KALRN: variants seen among roughly 807,000 people sequenced by gnomAD.
KALRN encodes kalirin RhoGEF kinase.
A neutral mutation model predicts 353.7 loss-of-function variants in KALRN; 70 were observed. The ratio of observed to expected loss-of-function variants is 0.20; its 90% CI spans 0.16 to 0.24. The LOEUF is 0.24. Ranked by LOEUF, KALRN falls within the 10% of genes least tolerant of loss-of-function variation. The probability of loss-of-function intolerance (pLI) is 1.00; values close to 1 mark genes in which losing one functional copy is unlikely to be tolerated. For synonymous variants in KALRN, 1,391 were observed against 1,434.8 expected, an observed-to-expected ratio of 0.97 and a Z score of 0.69; for missense variants, 2,791 against 3,756.7, an observed-to-expected ratio of 0.74 and a Z score of 6.72.
At chr3:124,154,490 A>G (rs929564822) in intron 1 of KALRN, among the ~76,000 whole-genome samples, 56 of 152,362 alleles carry the variant, frequency 3.7e-4, no homozygotes, top group African/African-American at 1.3e-3. Flanking sequence ...GAGCCAAATC[A>G]TGAGTGAACT....
chr3:124,158,416 C>T (rs1475538671), intron 1 of KALRN, among the ~76,000 whole-genome samples: 1 of 152,208 alleles, frequency 6.6e-6, no homozygotes, highest in African/African-American at 2.4e-5. Context: ...CAGATGCCAG[C>T]ACCAGTCCTA....
Position 124,477,258 on chromosome 3 carries a change from A to C in KALRN, c.4115A>C (p.Gln1372Pro). Reference protein sequence around the residue: ...HCFVTWADKFQMYVTYCKNKP... With the variant: ...HCFVTWADKFPMYVTYCKNKP... ...TGTTCTTTTTAGGCAGACAAATTTC[A>C]GATGTATGTCACCTACTGTAAAAAC... The change falls in exon 27 of 60, where the codon CAG (glutamine) becomes CCG (proline). Residue 1372 changes from glutamine to proline, a missense_variant. Transcript: ENST00000682506. 1 of 1,612,174 alleles carries C rather than the reference A, an allele frequency of 6.2e-7. No individual in the cohort carries two copies. Among genetic ancestry groups the C allele is most frequent in the Non-Finnish European group, 8.5e-7 (1 of 1,178,248 alleles).
At chr3:124,646,599 C>A (rs1007752979) in intron 37 of KALRN, among the ~76,000 whole-genome samples, 1 of 151,556 alleles carries the variant, frequency 6.6e-6, no homozygotes, top group Admixed American at 6.6e-5. Flanking sequence ...CCATGTTGGC[C>A]AAGCTGGTTT....
chr3:124,339,796 A>G (rs78011427), intron 9 of KALRN, among the ~76,000 whole-genome samples: 10,983 of 152,218 alleles, frequency 0.072, 1,282 homozygotes, highest in African/African-American at 0.25. Context: ...TTAAGAGAGG[A>G]TAATTCTTTA....
At chr3:124,103,080 C>T (rs1269732348) in intron 1 of KALRN, among the ~76,000 whole-genome samples, 1 of 152,182 alleles carries the variant, frequency 6.6e-6, no homozygotes, top group Admixed American at 6.5e-5. Context: ...TGCTGCCATA[C>T]AGATGGGAAG....
At chr3:124,083,415 T>A (rs1292633410) in intron 1 of KALRN, among the ~76,000 whole-genome samples, 1 of 151,942 alleles carries the variant, frequency 6.6e-6, no homozygotes, top group Non-Finnish European at 1.5e-5. Flanking sequence ...GATAGCTAGA[T>A]GAAGGCAGGA....
chr3:124,114,587 C>T (rs1043417787), intron 1 of KALRN, among the ~76,000 whole-genome samples: 20 of 152,156 alleles, frequency 1.3e-4, no homozygotes, highest in African/African-American at 3.4e-4. Context: ...ACTCTGGATC[C>T]GACACTGGTG....
intron 11 of KALRN, among the ~76,000 whole-genome samples, chr3:124,385,788 T>A (rs551878745): frequency 6.6e-6 from 1 of 152,298 alleles, no homozygotes; most frequent in African/African-American, 2.4e-5. Context: ...CATTTCTGAT[T>A]AACATGGGAC....
At chr3:124,075,441 T>C (rs1577813397) in intron 1 of KALRN, among the ~76,000 whole-genome samples, 1 of 152,358 alleles carries the variant, frequency 6.6e-6, no homozygotes, top group East Asian at 1.9e-4. Flanking sequence ...TATCATCAAC[T>C]GGTTCCACTG....
At chr3:124,595,315 G>A (rs1038505516) in intron 34 of KALRN, among the ~76,000 whole-genome samples, 1 of 152,026 alleles carries the variant, frequency 6.6e-6, no homozygotes, top group Non-Finnish European at 1.5e-5. Flanking sequence ...AGCTCAGACA[G>A]GGATTGTTAA....
chr3:124,114,733 A>G (rs1458491798), intron 1 of KALRN, among the ~76,000 whole-genome samples: 2 of 152,210 alleles, frequency 1.3e-5, no homozygotes, highest in Non-Finnish European at 2.9e-5. Context: ...GGGCTCCTGG[A>G]CATAGTGAGA....
intron 34 of KALRN, among the ~76,000 whole-genome samples, chr3:124,566,249 C>T (rs973469987): frequency 6.6e-6 from 1 of 152,140 alleles, no homozygotes; most frequent in Non-Finnish European, 1.5e-5. Flanking sequence ...TCCTGTAATC[C>T]CAGCACTTTG....
intron 1 of KALRN, 140 bp from the exon 2 acceptor site, chr3:124,227,850 G>A: frequency 1.4e-6 from 1 of 732,546 alleles, no homozygotes. Context: ...CCCTCTCCTG[G>A]TCCATCGGGC....
chr3:124,538,716 A>C (rs2068746330), intron 33 of KALRN, among the ~76,000 whole-genome samples: 1 of 152,180 alleles, frequency 6.6e-6, no homozygotes, highest in South Asian at 2.1e-4. Flanking sequence ...GGGCCCCAAA[A>C]GGCCACAGAG....
Position 124,553,882 on chromosome 3 carries a change from T to C in KALRN, c.4936-8961T>C, listed in dbSNP as rs999476260. Among the ~76,000 whole-genome samples the C allele has an allele frequency of 5.3e-5, 8 of 152,258 alleles. No individual in the cohort carries two copies. The East Asian group carries it at 1.5e-3, about 29-fold the overall frequency. ...TTAATCCTCCCAGCCGCATCTCTAT[T>C]GACAACTTGTGTGGGTTCCCCAGGG... On this transcript the variant is annotated intron_variant, in intron 33 of 59. Transcript: ENST00000682506.
intron 13 of KALRN, among the ~76,000 whole-genome samples, chr3:124,411,336 T>C (rs2092129658): frequency 6.6e-6 from 1 of 151,518 alleles, no homozygotes; most frequent in Non-Finnish European, 1.5e-5. Flanking sequence ...AATATGTGTA[T>C]TTTGTATGTA....
chr3:124,597,178 G>A lies in KALRN; in HGVS notation c.5182+34089G>A, dbSNP rs1978892. On this transcript the variant is annotated intron_variant, in intron 34 of 59. Coordinates refer to ENST00000682506, the MANE Select transcript of KALRN (RefSeq NM_001388419.1). ...ATTCCTTAATCAAACAGGAAATTAG[G>A]CTGAGCACTTTTTGTGTTGATTCCC... is the stretch of plus-strand genomic sequence containing the variant. Among the ~76,000 whole-genome samples the A allele has an allele frequency of 5.2e-3, 786 of 152,234 alleles. 2 individuals carry two copies. The highest frequency in any genetic ancestry group is 8.6e-3 in the Admixed American group (132 of 15,290).
chr3:124,044,070 G>C (rs1045197075), intron 1 of KALRN, among the ~76,000 whole-genome samples: 1 of 152,146 alleles, frequency 6.6e-6, no homozygotes, highest in Admixed American at 6.5e-5. Flanking sequence ...TAGGGCTCAT[G>C]AATGAGCCCC....
rs574491180 is a variant in KALRN at position 124,309,038 on chromosome 3, A to G, written c.1092+10125A>G. On this transcript the variant is annotated intron_variant, in intron 6 of 59. Coordinates refer to ENST00000682506, the MANE Select transcript of KALRN (RefSeq NM_001388419.1). ...AAATAATTGCAAGCCAATAAATTAGATAATAAATGAAATGGACAAATTCAT... is the reference window on the plus strand; with the variant it reads ...AAATAATTGCAAGCCAATAAATTAGGTAATAAATGAAATGGACAAATTCAT... 2.9e-4 allele frequency among the ~76,000 whole-genome samples: 44 copies of G among 152,296 alleles called. No individual in the cohort carries two copies. The East Asian group carries it at 7.3e-3, about 25-fold the overall frequency.
Sources: allele counts gnomAD v4.1 joint callset (sites outside exome capture counted in the v4.1 genomes callset), GRCh38; gene constraint gnomAD v4.1.1; transcripts MANE v1.5; gene names NCBI Gene and HGNC (gene_info 2026-07-23, HGNC 2026-07-21).